TNPO1: variants seen among roughly 807,000 people sequenced by gnomAD.
The protein encoded by TNPO1 is transportin-1.
A neutral mutation model predicts 119.5 loss-of-function variants in TNPO1; 8 were observed. That is an observed-to-expected ratio of 0.07 (90% confidence interval 0.04 to 0.12). The LOEUF is 0.12. Among genes scored for constraint, TNPO1 ranks in the 10% least tolerant of loss-of-function variants. TNPO1 has a pLI of 1.00. For missense variants in TNPO1, 576 were observed against 1,089.8 expected (o/e 0.53, Z 6.64); for synonymous variants, 362 against 363.0 (o/e 1.00, Z 0.03).
chr5:72,869,937 G>T lies in TNPO1; in HGVS notation c.597-2702G>T, dbSNP rs576213477. ...ATTTTTATATACACAGATATCCATAGCATTCCAAGTTTATCATCTGTATTT... is the reference window on the plus strand; with the variant it reads ...ATTTTTATATACACAGATATCCATATCATTCCAAGTTTATCATCTGTATTT... On this transcript the variant is annotated intron_variant, in intron 6 of 24. Transcript: ENST00000337273. Among the ~76,000 whole-genome samples, 9 of 152,224 alleles carry T rather than the reference G, an allele frequency of 5.9e-5. No homozygotes were observed. The South Asian group carries it at 1.9e-3, about 32-fold the overall frequency.
In TNPO1 at chr5:72,897,170, GT is replaced by G. The variant is rs1749492437; in HGVS notation, c.2338+22del. 7 of 1,537,942 alleles carry G rather than the reference GT, an allele frequency of 4.6e-6. No homozygotes were observed. Among genetic ancestry groups the G allele is most frequent in the Non-Finnish European group, 6.2e-6 (7 of 1,134,096 alleles). On this transcript the variant is annotated intron_variant, in intron 20 of 24. Transcript: ENST00000337273. ...AATACAGGTACCATATGACTGAACTGTTTCAGTGAAGAGAAAATTTGTTGCC... is the reference window on the plus strand; with the variant it reads ...AATACAGGTACCATATGACTGAACTGTTCAGTGAAGAGAAAATTTGTTGCC...
In TNPO1 at chr5:72,913,913, C is replaced by T. The variant is rs533351543; in HGVS notation, c.*5240C>T. 1 of 152,582 alleles carries T rather than the reference C, an allele frequency of 6.6e-6. No homozygotes were observed. Among genetic ancestry groups the T allele is most frequent in the South Asian group, 2.1e-4 (1 of 4,822 alleles). 9.5% of individuals were successfully genotyped at this position (152,582 alleles called of 1,614,324 possible). ...CATCTTGTGAGAAGAGATGTTTAAA[C>T]GTGGTAAATCACTTCATATTACAAA... On this transcript the variant is annotated 3_prime_UTR_variant, in exon 25 of 25. Coordinates refer to ENST00000337273, the MANE Select transcript of TNPO1 (RefSeq NM_002270.4).
At chr5:72,854,594 G>T (rs1217180845) in intron 3 of TNPO1, among the ~76,000 whole-genome samples, 1 of 152,204 alleles carries the variant, frequency 6.6e-6, no homozygotes, top group Non-Finnish European at 1.5e-5. Context: ...GTGCAATGGG[G>T]TGAATAATAC....
chr5:72,871,530 T>C (rs1251540204), intron 6 of TNPO1, among the ~76,000 whole-genome samples: 2 of 152,188 alleles, frequency 1.3e-5, no homozygotes, highest in African/African-American at 2.4e-5. Flanking sequence ...ATAAGTAATA[T>C]GATTTCATAC....
Position 72,893,647 on chromosome 5 carries a change from T to C in TNPO1, c.2087T>C (p.Phe696Ser). The change falls in exon 18 of 25, where the codon TTT becomes TCT. Residue 696 changes from phenylalanine (F) to serine (S), a missense_variant. Physicochemically the swap from Phe to Ser is radical, Grantham distance 155 (BLOSUM62 -2). Coordinates refer to ENST00000337273, the MANE Select transcript of TNPO1 (RefSeq NM_002270.4). ...DKMPEVRQSSFALLGDLTKAC... is the reference protein window; with the variant it reads ...DKMPEVRQSSSALLGDLTKAC... ...ATGCCAGAAGTTCGACAGAGTTCTT[T>C]TGCCCTGTTAGGTGACCTCACAAAA... is the stretch of plus-strand genomic sequence containing the variant. 1 of 1,614,268 alleles carries C rather than the reference T, an allele frequency of 6.2e-7. No individual in the cohort carries two copies. The highest frequency in any genetic ancestry group is 8.5e-7 in the Non-Finnish European group (1 of 1,180,046).
At chr5:72,903,892 A>G (rs1749956756) in intron 23 of TNPO1, 109 bp downstream of exon 23, 2 of 712,546 alleles carry the variant, frequency 2.8e-6, no homozygotes, top group Non-Finnish European at 4.7e-6. Flanking sequence ...TCAAGTCAGT[A>G]TTGATAGTTT....
chr5:72,849,477 A>G (rs1272571833), intron 2 of TNPO1, among the ~76,000 whole-genome samples: 1 of 152,248 alleles, frequency 6.6e-6, no homozygotes, highest in African/African-American at 2.4e-5. Flanking sequence ...ATTACTTAAT[A>G]TGGAGTTTGG....
At chr5:72,859,537 T>G (rs1304817814) in intron 4 of TNPO1, among the ~76,000 whole-genome samples, 1 of 152,208 alleles carries the variant, frequency 6.6e-6, no homozygotes, top group Non-Finnish European at 1.5e-5. Context: ...GCTTTTAAAA[T>G]TTTTATTAAC....
At chr5:72,865,444 A>AG (rs1161098907) in intron 5 of TNPO1, 152 bp from the exon 6 acceptor site, 1 of 906,488 alleles carries the variant, frequency 1.1e-6, no homozygotes, top group African/African-American at 1.7e-5. Flanking sequence ...TCTCAAAAAA[A>AG]AAAAAATTGA....
At chr5:72,865,466 T>C (rs1187924223) in intron 5 of TNPO1, 130 bp from the exon 6 acceptor site, 1 of 1,057,298 alleles carries the variant, frequency 9.5e-7, no homozygotes, top group Non-Finnish European at 1.3e-6. Flanking sequence ...GGATTAAATT[T>C]ATGGATTTTA....
chr5:72,888,520 TG>T (rs1220058147), intron 13 of TNPO1, among the ~76,000 whole-genome samples: 1 of 152,230 alleles, frequency 6.6e-6, no homozygotes, highest in Non-Finnish European at 1.5e-5. Flanking sequence ...TTATACATTT[TG>T]TTTGGCCAGG....
At chr5:72,897,023 T>G (rs1749483542) in intron 19 of TNPO1, 33 bp from the exon 20 acceptor site, 5 of 1,460,382 alleles carry the variant, frequency 3.4e-6, no homozygotes, top group East Asian at 4.7e-5. Context: ...AATTTTTTCT[T>G]TTTTGTTTTT....
intron 22 of TNPO1, among the ~76,000 whole-genome samples, chr5:72,902,124 G>T (rs1291726569): frequency 6.6e-6 from 1 of 151,826 alleles, no homozygotes; most frequent in South Asian, 2.1e-4. Context: ...ACTAAATTTT[G>T]GTTTCCAGGA....
intron 11 of TNPO1, 117 bp downstream of exon 11, chr5:72,883,349 A>G: frequency 1.6e-6 from 1 of 636,972 alleles, no homozygotes; most frequent in Non-Finnish European, 2.9e-6. Flanking sequence ...GGTTTTTAGT[A>G]TATTCAGAGA....
At chr5:72,852,241 T>G (rs1745635545) in intron 3 of TNPO1, among the ~76,000 whole-genome samples, 1 of 152,224 alleles carries the variant, frequency 6.6e-6, no homozygotes, top group Non-Finnish European at 1.5e-5. Flanking sequence ...GCCTGAGTAG[T>G]CTGATTTTTA....
At position 72,855,810 on chromosome 5, in the gene TNPO1, A is replaced by C. The variant is rs780090440; in HGVS notation, c.242A>C (p.Lys81Thr). The C allele has an allele frequency of 6.2e-7, 1 of 1,611,950 alleles. No individual in the cohort carries two copies. Among genetic ancestry groups the C allele is most frequent in the South Asian group, 1.1e-5 (1 of 90,982 alleles). Residue 81 changes from lysine (K) to threonine (T), a missense_variant, in exon 4 of 25, where the codon AAG (lysine) becomes ACG (threonine). Transcript: ENST00000337273. ...AGATCATTGAGTGGTCTTATCTTGA[A>C]GAATAATGTGAAAGCACACTTTCAG... Reference protein sequence around the residue: ...PTRSLSGLILKNNVKAHFQNF... With the variant: ...PTRSLSGLILTNNVKAHFQNF...
chr5:72,876,216 C>A (rs1279633587), intron 8 of TNPO1, among the ~76,000 whole-genome samples: 1 of 152,286 alleles, frequency 6.6e-6, no homozygotes, highest in East Asian at 1.9e-4. Flanking sequence ...TGTTACAGTT[C>A]TTTCTTCCAC....
At chr5:72,849,244 T>C (rs1026672640) in intron 2 of TNPO1, among the ~76,000 whole-genome samples, 2 of 152,152 alleles carry the variant, frequency 1.3e-5, no homozygotes, top group Admixed American at 1.3e-4. Flanking sequence ...GCTACGGTTT[T>C]AGAGACAGGA....
chr5:72,820,328 C>G (rs974911862), intron 1 of TNPO1, among the ~76,000 whole-genome samples: 1 of 152,136 alleles, frequency 6.6e-6, no homozygotes, highest in Non-Finnish European at 1.5e-5. Flanking sequence ...AAGTAAACAT[C>G]CAAAGCTCAT....
Sources: gnomAD v4.1 joint callset for allele counts (sites outside exome capture counted in the v4.1 genomes callset) on GRCh38, gnomAD v4.1.1 for gene constraint, MANE v1.5 for transcripts, NCBI Gene and HGNC (gene_info 2026-07-23, HGNC 2026-07-21) for gene names.